CASK: variants seen among roughly 807,000 people sequenced by gnomAD.
CASK encodes the protein peripheral plasma membrane protein CASK.
Under a neutral mutation model 82.9 loss-of-function variants are expected in CASK, and 4 were observed. The observed-to-expected ratio is 0.05, with a 90% CI of 0.02 to 0.11. The LOEUF (loss-of-function observed/expected upper bound fraction) is 0.11, where lower values mean the gene tolerates loss of function less well. CASK is among the 10% of genes least tolerant of loss of function. CASK has a pLI of 1.00. For synonymous variants in CASK, 259 were observed against 253.5 expected, an observed-to-expected ratio of 1.02 and a Z score of -0.20; for missense variants, 358 against 720.9, an observed-to-expected ratio of 0.50 and a Z score of 5.76.
intron 22 of CASK, among the ~76,000 whole-genome samples, chrX:41,538,584 C>T (rs760772277): frequency 8.9e-5 from 10 of 111,790 alleles, no homozygotes; most frequent in African/African-American, 2.6e-4. Flanking sequence ...CTACACACAC[C>T]ATAATCAAAT....
intron 2 of CASK, among the ~76,000 whole-genome samples, chrX:41,829,300 C>T (rs774129586): frequency 9.0e-6 from 1 of 110,792 alleles, no homozygotes; most frequent in South Asian, 3.9e-4. Context: ...CTTCCCCCAC[C>T]GGTAACCACT....
chrX:41,772,828 T>C (rs1602600061), intron 3 of CASK, among the ~76,000 whole-genome samples: 1 of 110,262 alleles, frequency 9.1e-6, no homozygotes, highest in Non-Finnish European at 1.9e-5. Flanking sequence ...GGTGAAACCC[T>C]GTCTCTACTA....
chrX:41,853,741 C>T (rs1314604993), intron 1 of CASK, among the ~76,000 whole-genome samples: 2 of 111,672 alleles, frequency 1.8e-5, no homozygotes, highest in East Asian at 5.6e-4. Flanking sequence ...CACATCCTAC[C>T]ATCTTCTACT....
At chrX:41,876,887 T>C (rs1481238904) in intron 1 of CASK, among the ~76,000 whole-genome samples, 1 of 111,648 alleles carries the variant, frequency 9.0e-6, no homozygotes, top group Non-Finnish European at 1.9e-5. Context: ...ACAATTCCAC[T>C]AAATATCTTG....
At chrX:41,701,561 C>T (rs1053578514) in intron 5 of CASK, among the ~76,000 whole-genome samples, 3 of 111,653 alleles carry the variant, frequency 2.7e-5, no homozygotes, top group Non-Finnish European at 5.6e-5. Flanking sequence ...TGCGGCATTC[C>T]CATGTTGGAT....
intron 2 of CASK, among the ~76,000 whole-genome samples, chrX:41,845,011 C>T (rs1488033295): frequency 8.9e-6 from 1 of 111,739 alleles, no homozygotes; most frequent in Non-Finnish European, 1.9e-5. Context: ...TTATTGATTT[C>T]TGATTCCATT....
intron 15 of CASK, among the ~76,000 whole-genome samples, chrX:41,576,100 G>C (rs776670837): frequency 1.1e-3 from 115 of 109,290 alleles, no homozygotes; most frequent in Middle Eastern, 9.3e-3. Context: ...TCAGCCTCCT[G>C]AGTAGCTAGG....
At chrX:41,569,561 G>T in intron 16 of CASK, 107 bp downstream of exon 16, 1 of 587,777 alleles carries the variant, frequency 1.7e-6, no homozygotes, top group Non-Finnish European at 2.9e-6. Context: ...GGGCAACATA[G>T]TGAGAGACCC....
At chrX:41,912,300 G>GTTTTTTTTTTTT (rs774775542) in intron 1 of CASK, among the ~76,000 whole-genome samples, 15 of 53,166 alleles carry the variant, frequency 2.8e-4, no homozygotes, top group African/African-American at 3.8e-4. Flanking sequence ...TTTGTTTTCT[G>GTTTTTTTTTTTT]TTTTTTTTTT....
At chrX:41,758,093 T>C (rs1395903811) in intron 3 of CASK, among the ~76,000 whole-genome samples, 2 of 111,850 alleles carry the variant, frequency 1.8e-5, no homozygotes, top group Non-Finnish European at 3.8e-5. Flanking sequence ...ACCAGTTACA[T>C]GAAGATCCCA....
chrX:41,625,682 C>A (rs772791230), intron 10 of CASK, among the ~76,000 whole-genome samples: 6 of 111,613 alleles, frequency 5.4e-5, no homozygotes, highest in Non-Finnish European at 9.4e-5. Context: ...TTTGTGAACA[C>A]TGGCAGGTTG....
At chrX:41,634,674 G>A (rs1392786201) in intron 9 of CASK, among the ~76,000 whole-genome samples, 2 of 112,547 alleles carry the variant, frequency 1.8e-5, no homozygotes, top group Non-Finnish European at 3.7e-5. Flanking sequence ...TGAGGCCAAA[G>A]CAATTAGGTT....
rs72626418 is a variant in CASK, at chrX:41,541,166, T to C, written c.2155+1525A>G. Among the ~76,000 whole-genome samples, 3 of 112,617 alleles carry C rather than the reference T, an allele frequency of 2.7e-5. No individual in the cohort carries two copies. The East Asian group carries it at 8.4e-4, about 31-fold the overall frequency. ...AGTAAGGGCAACTAAGGAGACTTGGTAATAACCACTGACGTTTTGTGTGAA... is the reference window on the plus strand; with the variant it reads ...AGTAAGGGCAACTAAGGAGACTTGGCAATAACCACTGACGTTTTGTGTGAA... On this transcript the variant is annotated intron_variant, in intron 22 of 26. Transcript: ENST00000378163.
In CASK at chrX:41,548,840, G is replaced by A. The variant is rs12010905; in HGVS notation, c.2039+4879C>T. ...TCTTAAGCTTAAAACAAAAATACAG[G>A]TTCCCAGGAAAAAATTGTGGCATAG... On this transcript the variant is annotated intron_variant, in intron 21 of 26. Transcript: ENST00000378163. 8.1e-3 allele frequency among the ~76,000 whole-genome samples: 910 copies of A among 112,114 alleles called. 8 individuals carry two copies. The highest frequency in any genetic ancestry group is 0.028 in the African/African-American group (874 of 30,890).
Position 41,520,464 on chromosome X carries a change from C to T in CASK, c.2737G>A (p.Val913Met), listed in dbSNP as rs374765049. 4.1e-6 allele frequency: 5 copies of T among 1,208,018 alleles called. No individual in the cohort carries two copies. The highest frequency in any genetic ancestry group is 3.5e-5 in the South Asian group (2 of 56,714). The change falls in exon 27 of 27, where the codon GTG (valine) becomes ATG (methionine). Residue 913 changes from valine (V) to methionine (M), a missense_variant. Val to Met is a conservative substitution (Grantham distance 21, BLOSUM62 1). This residue lies in a region of CASK where 118 missense variants were observed against 169.4 expected (regional missense o/e 0.70). Coordinates refer to ENST00000378163, the MANE Select transcript of CASK (RefSeq NM_001367721.1). ...GGGACCCACTGTGGGGCTGTGCACA[C>T]GAGCTCAACAGCTTCCTCCAGATGT... ...IRHLEEAVELVCTAPQWVPVS... is the reference protein window; with the variant it reads ...IRHLEEAVELMCTAPQWVPVS...
At chrX:41,533,217 T>C (rs959043721) in intron 24 of CASK, among the ~76,000 whole-genome samples, 4 of 112,421 alleles carry the variant, frequency 3.6e-5, no homozygotes, top group Non-Finnish European at 5.6e-5. Context: ...CTAGTCATGA[T>C]TGACATCATC....
intron 2 of CASK, among the ~76,000 whole-genome samples, chrX:41,811,513 A>T (rs1353169744): frequency 8.9e-6 from 1 of 112,485 alleles, no homozygotes; most frequent in East Asian, 2.8e-4. Flanking sequence ...AAATGAAGGC[A>T]GAAATAAAGA....
chrX:41,896,206 T>G (rs2072267780), intron 1 of CASK, among the ~76,000 whole-genome samples: 1 of 111,885 alleles, frequency 8.9e-6, no homozygotes, highest in African/African-American at 3.3e-5. Flanking sequence ...CTGACTGGCT[T>G]AAGAAAAAAG....
intron 25 of CASK, among the ~76,000 whole-genome samples, chrX:41,528,980 G>A (rs1021806958): frequency 1.8e-5 from 2 of 112,390 alleles, no homozygotes; most frequent in African/African-American, 3.2e-5. Context: ...GCTGGCCTGC[G>A]CAGGAGGGCC....
Sources: allele counts gnomAD v4.1 joint callset (sites outside exome capture counted in the v4.1 genomes callset), GRCh38; gene constraint gnomAD v4.1.1; regional missense constraint gnomAD v4.1.1; transcripts MANE v1.5; gene names NCBI Gene and HGNC (gene_info 2026-07-23, HGNC 2026-07-21).